Variants in WRN observed in about 807,000 individuals in gnomAD.
WRN encodes WRN RecQ like helicase.
Under a neutral mutation model 180.7 loss-of-function variants are expected in WRN, and 149 were observed. The ratio of observed to expected loss-of-function variants is 0.82; its 90% CI spans 0.72 to 0.94. The LOEUF (loss-of-function observed/expected upper bound fraction) is 0.94, where lower values mean the gene tolerates loss of function less well. WRN is among the 40% of genes least tolerant of loss of function. The pLI, the probability that WRN is intolerant of heterozygous loss-of-function variation, is 0.00. For missense variants in WRN, 1,661 were observed against 1,700.1 expected (o/e 0.98, Z 0.40); for synonymous variants, 548 against 568.9 (o/e 0.96, Z 0.52).
At chr8:31,144,895 A>G (rs1424241242) in intron 28 of WRN, among the ~76,000 whole-genome samples, 3 of 152,248 alleles carry the variant, frequency 2.0e-5, no homozygotes, top group Non-Finnish European at 4.4e-5. Context: ...TGGTCTTTAT[A>G]GGAGATTAAA....
At chr8:31,157,296 T>C (rs1803421869) in intron 32 of WRN, 72 bp from the exon 33 acceptor site, 1 of 1,597,260 alleles carries the variant, frequency 6.3e-7, no homozygotes, top group Admixed American at 1.7e-5. Flanking sequence ...CTGAATGTTT[T>C]GGACATTTTA....
At chr8:31,151,833 A>AT (rs202116608) in intron 31 of WRN, among the ~76,000 whole-genome samples, 1 of 152,076 alleles carries the variant, frequency 6.6e-6, no homozygotes, top group Non-Finnish European at 1.5e-5. Flanking sequence ...GAAATGAATT[A>AT]TTTAAAAAAA....
chr8:31,075,052 G>T (rs1813046827), intron 7 of WRN, among the ~76,000 whole-genome samples: 1 of 152,178 alleles, frequency 6.6e-6, no homozygotes, highest in Admixed American at 6.5e-5. Flanking sequence ...TTGAAGAAAA[G>T]ATTGTCGGAA....
intron 19 of WRN, among the ~76,000 whole-genome samples, chr8:31,112,779 G>T (rs1296507873): frequency 6.6e-6 from 1 of 151,996 alleles, no homozygotes; most frequent in Non-Finnish European, 1.5e-5. Context: ...GTGGAGACGG[G>T]GTTTCACCAT....
intron 24 of WRN, among the ~76,000 whole-genome samples, chr8:31,133,346 CATTT>C (rs1269416343): frequency 6.6e-6 from 1 of 151,998 alleles, no homozygotes; most frequent in African/African-American, 2.4e-5. Context: ...AATAGGTAAG[CATTT>C]ATTTGTGAAA....
chr8:31,051,588 A>C (rs994663101), intron 1 of WRN, among the ~76,000 whole-genome samples: 1 of 152,178 alleles, frequency 6.6e-6, no homozygotes, highest in African/African-American at 2.4e-5. Flanking sequence ...AGAGTTCACA[A>C]TTTTGACAGA....
chr8:31,124,461 A>T, intron 21 of WRN, 61 bp from the exon 22 acceptor site: 1 of 1,324,180 alleles, frequency 7.6e-7, no homozygotes, highest in Non-Finnish European at 1.1e-6. Flanking sequence ...ATAAGTAAAA[A>T]AAAAAGTAAG....
At chr8:31,141,921 G>A in intron 26 of WRN, 146 bp downstream of exon 26, 1 of 808,466 alleles carries the variant, frequency 1.2e-6, no homozygotes, top group Non-Finnish European at 2.0e-6. Context: ...TTTGGGGGAA[G>A]GGATCTGTGA....
chr8:31,096,728 GTTTTTTT>G, intron 16 of WRN, 33 bp from the exon 17 acceptor site: 1 of 1,160,224 alleles, frequency 8.6e-7, no homozygotes, highest in Non-Finnish European at 1.2e-6. Context: ...TTCCCTTCCT[GTTTTTTT>G]TTTTTTCTTT....
intron 30 of WRN, among the ~76,000 whole-genome samples, chr8:31,149,343 G>C (rs1025471495): frequency 6.6e-5 from 10 of 150,846 alleles, no homozygotes; most frequent in African/African-American, 2.4e-4. Flanking sequence ...CTTGCAGTGA[G>C]CGGAGATCGC....
In WRN at chr8:31,154,721, C is replaced by G. The variant is rs78488552; in HGVS notation, c.3785C>G (p.Thr1262Arg). ...ACACTTTCACAGTCTATGGCCATCA[C>G]ATACTCTTTATTCCAAGAAAAGAAG... ...ICTLSQSMAI[T>R]YSLFQEKKMP... is the part of the protein sequence containing the mutation. The change falls in exon 32 of 35, where the codon ACA becomes AGA. Residue 1262 changes from threonine to arginine, a missense_variant. Coordinates refer to ENST00000298139, the MANE Select transcript of WRN (RefSeq NM_000553.6). 4.9e-3 allele frequency: 7,947 copies of G among 1,613,518 alleles called. 34 individuals carry two copies. The highest frequency in any genetic ancestry group is 6.3e-3 in the Non-Finnish European group (7,487 of 1,179,668).
chr8:31,097,373 T>A (rs1814033990), intron 17 of WRN, among the ~76,000 whole-genome samples: 1 of 152,124 alleles, frequency 6.6e-6, no homozygotes, highest in South Asian at 2.1e-4. Flanking sequence ...CAGGCCTGGG[T>A]TGGCACCTGG....
Position 31,076,354 on chromosome 8 carries a change from A to G in WRN, c.839+67A>G, listed in dbSNP as rs182230744. The G allele has an allele frequency of 5.2e-6, 7 of 1,338,096 alleles. No individual in the cohort carries two copies. The African/African-American group carries it at 7.3e-5, about 14-fold the overall frequency. The allele number at this position is 1,338,096 out of a possible 1,614,324, so 82.9% of individuals were successfully genotyped here. ...GTTTATTTTTTTATCACATTTTCCTATATGTGAAGAATACTATTCATTAAG... is the reference window on the plus strand; with the variant it reads ...GTTTATTTTTTTATCACATTTTCCTGTATGTGAAGAATACTATTCATTAAG... On this transcript the variant is annotated intron_variant, in intron 8 of 34. Coordinates refer to ENST00000298139, the MANE Select transcript of WRN (RefSeq NM_000553.6).
At position 31,167,109 on chromosome 8, in the gene WRN, A is replaced by G. The variant is rs765518421; in HGVS notation, c.4070A>G (p.His1357Arg). ...CACATGGCAATTGAGATCCTTAAAC[A>G]TGGTCCTGACAGCGGACTTCAACCT... is the stretch of plus-strand genomic sequence containing the variant. ...LIHMAIEILK[H>R]GPDSGLQPSC... Residue 1357 changes from histidine to arginine, a missense_variant, in exon 34 of 35, where the codon CAT (histidine) becomes CGT (arginine). By Grantham distance (29) the His-to-Arg change is conservative. Coordinates refer to ENST00000298139, the MANE Select transcript of WRN (RefSeq NM_000553.6). The G allele has an allele frequency of 3.7e-6, 6 of 1,613,500 alleles. No homozygotes were observed. The East Asian group carries it at 1.1e-4, about 30-fold the overall frequency.
intron 18 of WRN, among the ~76,000 whole-genome samples, chr8:31,101,717 G>A (rs1464740345): frequency 2.0e-5 from 3 of 149,704 alleles, no homozygotes; most frequent in African/African-American, 7.4e-5. Context: ...AACTCGGGAG[G>A]TGGAGGTTGC....
rs11574362 is a variant in WRN, at chr8:31,148,186, T to C, written c.3572+710T>C. On this transcript the variant is annotated intron_variant, in intron 30 of 34. Coordinates refer to ENST00000298139, the MANE Select transcript of WRN (RefSeq NM_000553.6). ...CAGGTGTGAGCCACTGTGCCTGGCC[T>C]CTTTTTCTCATTTAAATACTTTTCA... 3.6e-3 allele frequency among the ~76,000 whole-genome samples: 542 copies of C among 152,216 alleles called. 25 individuals carry two copies. In the East Asian group the frequency reaches 0.095, roughly 27 times the overall value.
At chr8:31,040,572 G>A (rs929693899) in intron 1 of WRN, among the ~76,000 whole-genome samples, 7 of 152,158 alleles carry the variant, frequency 4.6e-5, no homozygotes, top group Non-Finnish European at 8.8e-5. Flanking sequence ...CAAGAAGATG[G>A]GTGTGATTAA....
chr8:31,118,032 G>A (rs1034730753), intron 20 of WRN, among the ~76,000 whole-genome samples: 1 of 152,070 alleles, frequency 6.6e-6, no homozygotes, highest in Non-Finnish European at 1.5e-5. Flanking sequence ...CTATCTTAAT[G>A]TATTAGTAAT....
chr8:31,140,003 GTTTTTTTTTTTTT>G (rs71539917), intron 24 of WRN, among the ~76,000 whole-genome samples: 72 of 62,104 alleles, frequency 1.2e-3, no homozygotes, highest in African/African-American at 4.1e-3. Context: ...ATACTTCTTT[GTTTTTTTTTTTTT>G]TTTTTTTTTT....
Sources: allele counts gnomAD v4.1 joint callset (sites outside exome capture counted in the v4.1 genomes callset), GRCh38; gene constraint gnomAD v4.1.1; transcripts MANE v1.5; gene names NCBI Gene and HGNC (gene_info 2026-07-23, HGNC 2026-07-21).